Variants in DENND6A observed in about 807,000 individuals in gnomAD.
DENND6A encodes DENN domain containing 6A, also known as protein DENND6A.
A neutral mutation model predicts 95.5 loss-of-function variants in DENND6A; 43 were observed. That is an observed-to-expected ratio of 0.45 (90% confidence interval 0.35 to 0.58). DENND6A has a LOEUF of 0.58. Ranked by LOEUF, DENND6A falls within the 20% of genes least tolerant of loss-of-function variation. The pLI is 0.00. For missense variants in DENND6A, 574 were observed against 736.0 expected, an observed-to-expected ratio of 0.78 and a Z score of 2.55; for synonymous variants, 257 against 260.4, an observed-to-expected ratio of 0.99 and a Z score of 0.13.
chr3:57,627,955 G>C lies in DENND6A; in HGVS notation c.*259C>G, dbSNP rs1006256629. On this transcript the variant is annotated 3_prime_UTR_variant, in exon 20 of 20. Transcript: ENST00000311128. ...GATGGCCCACAAGTCTCTCATAAGA[G>C]CACTTTAGAACATGATTAAAAATAT... The C allele has an allele frequency of 3.1e-6, 1 of 327,212 alleles. No individual in the cohort carries two copies. Among genetic ancestry groups the C allele is most frequent in the Non-Finnish European group, 5.5e-6 (1 of 180,516 alleles). The allele number at this position is 327,212 out of a possible 1,614,324, so 20.3% of individuals were successfully genotyped here. A position where few individuals can be genotyped will look rare whatever the true frequency, so the allele number is the denominator to read the frequency against.
In DENND6A at chr3:57,646,368, C is replaced by T. The variant is rs758687682; in HGVS notation, c.889G>A (p.Val297Ile). The change falls in exon 10 of 20, where the codon GTT becomes ATT. Residue 297 changes from valine to isoleucine, a missense_variant. By Grantham distance (29) the Val-to-Ile change is conservative. Coordinates refer to ENST00000311128, the MANE Select transcript of DENND6A (RefSeq NM_152678.3). Reference sequence around the variant, plus strand: ...GATTCCGATGGTGATGGCGCCATAACCACAAGGGGCTCCCCCAACAGCACC... The same window carrying T: ...GATTCCGATGGTGATGGCGCCATAATCACAAGGGGCTCCCCCAACAGCACC... Reference protein sequence around the residue: ...ELVLLGEPLVVMAPSPSESSE... With the variant: ...ELVLLGEPLVIMAPSPSESSE... The T allele has an allele frequency of 5.6e-6, 9 of 1,614,020 alleles. No homozygotes were observed. The highest frequency in any genetic ancestry group is 2.7e-5 in the African/African-American group (2 of 75,042).
intron 1 of DENND6A, among the ~76,000 whole-genome samples, chr3:57,685,746 AAT>A (rs1280788522): frequency 2.0e-5 from 3 of 152,124 alleles, no homozygotes; most frequent in South Asian, 2.1e-4. Flanking sequence ...TTTAAAAAAA[AAT>A]TTGTTTTTCT....
intron 5 of DENND6A, 139 bp downstream of exon 5, chr3:57,663,497 T>TATATATAC (rs762391000): frequency 0.011 from 1,663 of 149,016 alleles, 18 homozygotes; most frequent in South Asian, 0.028. Context: ...AATATATATA[T>TATATATAC]ACACACACAC....
chr3:57,659,283 T>C, intron 7 of DENND6A, 103 bp from the exon 8 acceptor site: 1 of 1,189,244 alleles, frequency 8.4e-7, no homozygotes, highest in Non-Finnish European at 1.2e-6. Context: ...CCAAAAAAGC[T>C]ACAAAAACAA....
chr3:57,669,950 G>T (rs1575854275), intron 3 of DENND6A, among the ~76,000 whole-genome samples: 1 of 150,532 alleles, frequency 6.6e-6, no homozygotes, highest in African/African-American at 2.5e-5. Context: ...GAACTGGGAG[G>T]CGGAGGTTGC....
intron 1 of DENND6A, among the ~76,000 whole-genome samples, chr3:57,681,577 T>C (rs1286341689): frequency 7.0e-6 from 1 of 143,770 alleles, no homozygotes. Context: ...TGAGCTATGA[T>C]CATGCCATTG....
At chr3:57,649,627 A>C (rs2071153575) in intron 9 of DENND6A, among the ~76,000 whole-genome samples, 1 of 95,514 alleles carries the variant, frequency 1.0e-5, no homozygotes, top group Non-Finnish European at 2.1e-5. Flanking sequence ...TCAATCAATG[A>C]GTGAAAAAAA....
chr3:57,689,357 G>C (rs1029239978), intron 1 of DENND6A, among the ~76,000 whole-genome samples: 5 of 151,762 alleles, frequency 3.3e-5, no homozygotes, highest in African/African-American at 1.2e-4. Context: ...TTCTGTATTC[G>C]GATAATTAAG....
intron 1 of DENND6A, among the ~76,000 whole-genome samples, chr3:57,680,908 G>A (rs926618157): frequency 3.3e-5 from 5 of 152,118 alleles, no homozygotes; most frequent in African/African-American, 9.7e-5. Flanking sequence ...AATAACAAGA[G>A]TTGATAAGGA....
rs368230550 is a variant in DENND6A at position 57,634,639 on chromosome 3, G to C, written c.1199-17C>G. On this transcript the variant is annotated splice_polypyrimidine_tract_variant and intron_variant, in intron 13 of 19. Coordinates refer to ENST00000311128, the MANE Select transcript of DENND6A (RefSeq NM_152678.3). ...TATAAACTCCTAAGAGCAAAGAAAA[G>C]AAGGTAAACAAAAAAACCCAAGTAC... 11 of 1,487,518 alleles carry C rather than the reference G, an allele frequency of 7.4e-6. No homozygotes were observed. The highest frequency in any genetic ancestry group is 9.9e-6 in the Non-Finnish European group (11 of 1,113,604). 92.1% of individuals were successfully genotyped at this position (1,487,518 alleles called of 1,614,324 possible). A position where few individuals can be genotyped will look rare whatever the true frequency, so the allele number is the denominator to read the frequency against.
intron 9 of DENND6A, among the ~76,000 whole-genome samples, chr3:57,653,072 T>C (rs2071243476): frequency 6.6e-6 from 1 of 152,204 alleles, no homozygotes; most frequent in Non-Finnish European, 1.5e-5. Context: ...CTCTAAAGTA[T>C]TAAGAGATGA....
chr3:57,647,751 T>C (rs2071109555), intron 9 of DENND6A, among the ~76,000 whole-genome samples: 2 of 149,234 alleles, frequency 1.3e-5, no homozygotes, highest in Admixed American at 6.8e-5. Flanking sequence ...AGGCTTGACC[T>C]GGTGTTGAGA....
chr3:57,641,470 T>A (rs77628671), intron 12 of DENND6A, among the ~76,000 whole-genome samples, 183 bp downstream of exon 12: 11,063 of 150,070 alleles, frequency 0.074, 1,400 homozygotes, highest in African/African-American at 0.26. Flanking sequence ...TAGGAGGACA[T>A]GACAGATTAT....
chr3:57,677,953 G>T (rs944503621), intron 1 of DENND6A, among the ~76,000 whole-genome samples: 1 of 152,034 alleles, frequency 6.6e-6, no homozygotes, highest in African/African-American at 2.4e-5. Flanking sequence ...CCCATTCTTT[G>T]TAAGTTGTTA....
chr3:57,654,876 T>C, intron 9 of DENND6A: 2 of 796,678 alleles, frequency 2.5e-6, no homozygotes, highest in Non-Finnish European at 3.0e-6. Flanking sequence ...AAACTTTCAT[T>C]CACACTAATA....
At chr3:57,692,745 G>A (rs2077281847) in intron 1 of DENND6A, 37 bp downstream of exon 1, 2 of 1,410,928 alleles carry the variant, frequency 1.4e-6, no homozygotes, top group African/African-American at 1.5e-5. Context: ...CCCGGCGCAG[G>A]GGAGGAGCGC....
intron 7 of DENND6A, among the ~76,000 whole-genome samples, chr3:57,660,530 C>A (rs1220240034): frequency 6.6e-6 from 1 of 151,918 alleles, no homozygotes; most frequent in Non-Finnish European, 1.5e-5. Context: ...GGAAACATGG[C>A]AAGATTCTGT....
chr3:57,629,715 G>T (rs1275932350), intron 18 of DENND6A, among the ~76,000 whole-genome samples: 5 of 150,756 alleles, frequency 3.3e-5, no homozygotes, highest in Admixed American at 1.3e-4. Context: ...GTAGAGATGG[G>T]GTTTCACCGT....
chr3:57,683,741 C>T (rs1046644369), intron 1 of DENND6A, among the ~76,000 whole-genome samples: 1 of 152,110 alleles, frequency 6.6e-6, no homozygotes, highest in African/African-American at 2.4e-5. Flanking sequence ...GCTTCAGTTT[C>T]CCTAAATAGT....
Sources: gnomAD v4.1 joint callset for allele counts (sites outside exome capture counted in the v4.1 genomes callset) on GRCh38, gnomAD v4.1.1 for gene constraint, MANE v1.5 for transcripts, NCBI Gene and HGNC (gene_info 2026-07-23, HGNC 2026-07-21) for gene names.